The following SUGCT variants were observed in gnomAD, a reference collection of about 807,000 sequenced individuals.
SUGCT encodes the protein succinyl-CoA:glutarate-CoA transferase.
Under a neutral mutation model 55.0 loss-of-function variants are expected in SUGCT, and 41 were observed. The ratio of observed to expected loss-of-function variants is 0.74; its 90% CI spans 0.58 to 0.97. The LOEUF is 0.97. Among genes scored for constraint, SUGCT ranks in the 50% least tolerant of loss-of-function variants. The pLI is 0.00. For synonymous variants in SUGCT, 187 were observed against 200.4 expected, an observed-to-expected ratio of 0.93 and a Z score of 0.56; for missense variants, 568 against 547.8, an observed-to-expected ratio of 1.04 and a Z score of -0.37.
chr7:40,351,090 T>G (rs781334758), intron 9 of SUGCT, among the ~76,000 whole-genome samples: 1 of 152,192 alleles, frequency 6.6e-6, no homozygotes, highest in Non-Finnish European at 1.5e-5. Context: ...TTCTAATTTC[T>G]TAAATATTTA....
intron 12 of SUGCT, among the ~76,000 whole-genome samples, chr7:40,521,298 A>G (rs899654868): frequency 2.6e-5 from 4 of 152,082 alleles, no homozygotes; most frequent in Non-Finnish European, 4.4e-5. Context: ...TGTGTAGTAC[A>G]GTGCTTTCCC....
intron 9 of SUGCT, among the ~76,000 whole-genome samples, chr7:40,383,703 G>T (rs1784981583): frequency 6.6e-6 from 1 of 152,138 alleles, no homozygotes; most frequent in Non-Finnish European, 1.5e-5. Flanking sequence ...AGTTTGGGGT[G>T]GCTTCCCGGA....
chr7:40,149,370 G>T (rs1470330882), intron 1 of SUGCT, among the ~76,000 whole-genome samples: 1 of 152,086 alleles, frequency 6.6e-6, no homozygotes, highest in African/African-American at 2.4e-5. Flanking sequence ...CTAACTTTAG[G>T]AGAAACTTAG....
In SUGCT at chr7:40,506,370, A is replaced by T. The variant is rs112737002; in HGVS notation, c.1089+9984A>T. On this transcript the variant is annotated intron_variant, in intron 12 of 13. Coordinates refer to ENST00000335693, the MANE Select transcript of SUGCT (RefSeq NM_001193313.2). ...TGATAATAAGTAATGTGGTAATCTT[A>T]CTAGATTCCCTTGAGTGTAATGTAT... 2.2e-3 allele frequency among the ~76,000 whole-genome samples: 328 copies of T among 152,210 alleles called. 1 individual carries two copies. Among genetic ancestry groups the T allele is most frequent in the African/African-American group, 7.5e-3 (310 of 41,554 alleles).
chr7:40,670,835 A>C (rs943112230), intron 12 of SUGCT, among the ~76,000 whole-genome samples: 1 of 152,186 alleles, frequency 6.6e-6, no homozygotes, highest in African/African-American at 2.4e-5. Context: ...GGAACATTTT[A>C]CCAATGTTAA....
At chr7:40,545,519 A>G (rs1057229384) in intron 12 of SUGCT, among the ~76,000 whole-genome samples, 11 of 152,298 alleles carry the variant, frequency 7.2e-5, no homozygotes, top group Non-Finnish European at 1.2e-4. Flanking sequence ...TACTGCCAAG[A>G]CCAATAAAAT....
At chr7:40,304,719 G>GAATAATAAT (rs199825643) in intron 8 of SUGCT, among the ~76,000 whole-genome samples, 1 of 63,246 alleles carries the variant, frequency 1.6e-5, no homozygotes, top group Non-Finnish European at 2.8e-5. Flanking sequence ...ACTTCACTTA[G>GAATAATAAT]AATAATAATA....
chr7:40,992,253 A>T, the SUGCT span, among the ~76,000 whole-genome samples: 1 of 152,110 alleles, frequency 6.6e-6, no homozygotes, highest in Non-Finnish European at 1.5e-5. Context: ...TTGCCATGGC[A>T]TTTATAAACT....
intron 6 of SUGCT, among the ~76,000 whole-genome samples, chr7:40,229,513 C>T (rs10226951): frequency 0.26 from 37,003 of 141,752 alleles, 5,197 homozygotes; most frequent in East Asian, 0.49. Context: ...AGTGAGACCC[C>T]GTCTCAAAAA....
the SUGCT span, among the ~76,000 whole-genome samples, chr7:40,980,716 T>G: frequency 6.6e-6 from 1 of 152,168 alleles, no homozygotes; most frequent in African/African-American, 2.4e-5. Context: ...AATTTTTTTT[T>G]TAGATGGAGT....
chr7:40,740,181 T>G (rs1022682071), intron 12 of SUGCT, among the ~76,000 whole-genome samples: 2 of 152,100 alleles, frequency 1.3e-5, no homozygotes, highest in Admixed American at 1.3e-4. Context: ...ATTAATGGTG[T>G]TGTTTTTAAT....
chr7:40,280,296 A>T (rs6959387), intron 8 of SUGCT, among the ~76,000 whole-genome samples: 6,321 of 152,216 alleles, frequency 0.042, 453 homozygotes, highest in African/African-American at 0.14. Flanking sequence ...TATGATTTAA[A>T]TTTGTCCAGT....
rs184099165 is a variant in SUGCT at position 40,158,632 on chromosome 7, C to T, written c.101-22315C>T. 2.6e-3 allele frequency among the ~76,000 whole-genome samples: 402 copies of T among 152,206 alleles called. 1 individual carries two copies. Among genetic ancestry groups the T allele is most frequent in the African/African-American group, 9.0e-3 (375 of 41,534 alleles). ...GGGCGTGGTGGCATGTGCCTGTAGGCCGAACTACTCGGGAGGCTGAGACAG... is the reference window on the plus strand; with the variant it reads ...GGGCGTGGTGGCATGTGCCTGTAGGTCGAACTACTCGGGAGGCTGAGACAG... On this transcript the variant is annotated intron_variant, in intron 1 of 13. Transcript: ENST00000335693.
the SUGCT span, among the ~76,000 whole-genome samples, chr7:40,973,347 T>TAA: frequency 1.3e-5 from 2 of 152,358 alleles, no homozygotes; most frequent in South Asian, 2.1e-4. Flanking sequence ...TTATTTGACA[T>TAA]AAGTCTCATT....
At chr7:41,025,488 G>A in the SUGCT span, among the ~76,000 whole-genome samples, 1 of 151,918 alleles carries the variant, frequency 6.6e-6, no homozygotes, top group African/African-American at 2.4e-5. Context: ...TCCTGCCTCA[G>A]CCTCCCGAGT....
intron 13 of SUGCT, among the ~76,000 whole-genome samples, chr7:40,755,558 C>T (rs529964397): frequency 2.0e-4 from 30 of 152,308 alleles, no homozygotes; most frequent in Non-Finnish European, 2.9e-4. Flanking sequence ...GCAATCACAC[C>T]GGTCTTTGGC....
intron 9 of SUGCT, among the ~76,000 whole-genome samples, chr7:40,359,470 G>A (rs928611775): frequency 6.6e-6 from 1 of 152,266 alleles, no homozygotes; most frequent in African/African-American, 2.4e-5. Flanking sequence ...CTCCCAAAAT[G>A]CTGGGATTAC....
At chr7:40,280,093 C>T (rs1020905695) in intron 8 of SUGCT, among the ~76,000 whole-genome samples, 1 of 152,064 alleles carries the variant, frequency 6.6e-6, no homozygotes, top group African/African-American at 2.4e-5. Context: ...ACAATTTACA[C>T]CTGATTGGAA....
chr7:40,316,917 T>G, intron 9 of SUGCT, 62 bp downstream of exon 9: 1 of 724,278 alleles, frequency 1.4e-6, no homozygotes, highest in Non-Finnish European at 2.1e-6. Context: ...GATGTGTTTT[T>G]GGAAAATGAT....
Sources: allele counts gnomAD v4.1 joint callset (sites outside exome capture counted in the v4.1 genomes callset), GRCh38; gene constraint gnomAD v4.1.1; transcripts MANE v1.5; gene names NCBI Gene and HGNC (gene_info 2026-07-23, HGNC 2026-07-21).